The following ZNF385D variants were observed in gnomAD, a reference collection of about 807,000 sequenced individuals.
ZNF385D encodes zinc finger protein 659.
Under a neutral mutation model 35.8 loss-of-function variants are expected in ZNF385D, and 15 were observed. The ratio of observed to expected loss-of-function variants is 0.42; its 90% CI spans 0.28 to 0.64. ZNF385D has a LOEUF of 0.64. Ranked by LOEUF, ZNF385D falls within the 30% of genes least tolerant of loss-of-function variation. ZNF385D has a pLI of 0.23. For missense variants in ZNF385D, 474 were observed against 494.6 expected (o/e 0.96, Z 0.39); for synonymous variants, 212 against 186.8 (o/e 1.13, Z -1.10).
intron 4 of ZNF385D, among the ~76,000 whole-genome samples, chr3:21,443,703 A>T (rs940367019): frequency 6.6e-6 from 1 of 152,204 alleles, no homozygotes; most frequent in African/African-American, 2.4e-5. Context: ...TCAAGTGACA[A>T]GTTGTTCCCC....
At chr3:21,820,879 A>G (rs2073366954) in intron 3 of ZNF385D, among the ~76,000 whole-genome samples, 1 of 151,848 alleles carries the variant, frequency 6.6e-6, no homozygotes, top group South Asian at 2.1e-4. Flanking sequence ...CTAAGTGGGA[A>G]AAATACAGTA....
At chr3:22,338,680 G>C (rs1274075550) in intron 2 of ZNF385D, among the ~76,000 whole-genome samples, 1 of 149,632 alleles carries the variant, frequency 6.7e-6, no homozygotes, top group Admixed American at 6.7e-5. Flanking sequence ...TTAATGTGCA[G>C]CAAAACATAT....
At chr3:22,175,639 T>C (rs1694772366) in intron 2 of ZNF385D, among the ~76,000 whole-genome samples, 1 of 151,846 alleles carries the variant, frequency 6.6e-6, no homozygotes, top group Non-Finnish European at 1.5e-5. Context: ...ATTTGGCCTT[T>C]TTTCGATGAA....
intron 2 of ZNF385D, among the ~76,000 whole-genome samples, chr3:22,353,778 C>G (rs1409741301): frequency 6.6e-6 from 1 of 152,134 alleles, no homozygotes; most frequent in Non-Finnish European, 1.5e-5. Context: ...CAGCCACACT[C>G]TCATCTTTAC....
At chr3:21,878,554 A>T (rs1382152939) in intron 3 of ZNF385D, among the ~76,000 whole-genome samples, 1 of 145,444 alleles carries the variant, frequency 6.9e-6, no homozygotes, top group Non-Finnish European at 1.5e-5. Flanking sequence ...TTCAACTTTT[A>T]TTTTAACAGC....
chr3:22,220,617 G>A (rs924521947), intron 2 of ZNF385D, among the ~76,000 whole-genome samples: 1 of 152,072 alleles, frequency 6.6e-6, no homozygotes, highest in African/African-American at 2.4e-5. Context: ...TTAGAATTTT[G>A]CATAATAATT....
At chr3:21,915,688 A>T (rs1449041089) in intron 3 of ZNF385D, among the ~76,000 whole-genome samples, 1 of 152,150 alleles carries the variant, frequency 6.6e-6, no homozygotes, top group African/African-American at 2.4e-5. Flanking sequence ...GTACAAAACC[A>T]ATAAGTAGGT....
intron 3 of ZNF385D, chr3:21,511,768 T>G (rs1187841916): frequency 3.7e-5 from 17 of 456,272 alleles, no homozygotes; most frequent in East Asian, 7.0e-5. Flanking sequence ...CTGAGATATA[T>G]AGAGAGAGAG....
chr3:22,027,790 C>T (rs2101038), intron 3 of ZNF385D, among the ~76,000 whole-genome samples: 27,110 of 152,158 alleles, frequency 0.18, 3,020 homozygotes, highest in South Asian at 0.37. Context: ...GGTCTCCACT[C>T]CTGCCTTCTC....
chr3:21,708,452 T>C (rs2067985751), intron 1 of ZNF385D, among the ~76,000 whole-genome samples: 1 of 152,224 alleles, frequency 6.6e-6, no homozygotes, highest in Admixed American at 6.5e-5. Context: ...ATGCCACTGC[T>C]CTGAACTGTT....
chr3:21,823,424 G>C (rs1335682901), intron 3 of ZNF385D, among the ~76,000 whole-genome samples: 1 of 142,432 alleles, frequency 7.0e-6, no homozygotes, highest in Non-Finnish European at 1.5e-5. Context: ...GTGTATGCCT[G>C]TAAGCCCCCC....
At chr3:21,561,927 G>C (rs948140364) in intron 3 of ZNF385D, 1 of 152,326 alleles carries the variant, frequency 6.6e-6, no homozygotes, top group South Asian at 2.1e-4. Flanking sequence ...TATTTGTGTT[G>C]TTTCAGGCCA....
chr3:22,352,938 T>G (rs1376768004), intron 2 of ZNF385D, among the ~76,000 whole-genome samples: 2 of 152,188 alleles, frequency 1.3e-5, no homozygotes, highest in Non-Finnish European at 1.5e-5. Flanking sequence ...GCTCTCTTCC[T>G]TCCCTCCAAG....
intron 3 of ZNF385D, among the ~76,000 whole-genome samples, chr3:22,041,858 G>C (rs1266533804): frequency 1.3e-5 from 2 of 152,078 alleles, no homozygotes; most frequent in African/African-American, 4.8e-5. Context: ...TAGGGAAATG[G>C]ACAGTTCAAT....
At chr3:21,945,819 G>C (rs1701755726) in intron 3 of ZNF385D, among the ~76,000 whole-genome samples, 1 of 150,856 alleles carries the variant, frequency 6.6e-6, no homozygotes, top group African/African-American at 2.5e-5. Context: ...ATATGAAGCT[G>C]ATGAACTCAT....
intron 2 of ZNF385D, among the ~76,000 whole-genome samples, chr3:22,207,088 C>A (rs143642947): frequency 4.6e-5 from 7 of 151,944 alleles, no homozygotes; most frequent in African/African-American, 1.4e-4. Context: ...ACCAATACTT[C>A]TGAAATTCAA....
intron 3 of ZNF385D, among the ~76,000 whole-genome samples, chr3:22,124,088 C>A (rs773870605): frequency 6.6e-6 from 1 of 151,494 alleles, no homozygotes; most frequent in East Asian, 2.0e-4. Flanking sequence ...TCTCCCTCAC[C>A]CCTACAATTC....
intron 2 of ZNF385D, among the ~76,000 whole-genome samples, chr3:22,279,648 T>C (rs1000754147): frequency 1.1e-3 from 53 of 49,882 alleles, no homozygotes; most frequent in African/African-American, 1.8e-3. Context: ...TTTATATATA[T>C]ATATATGCAC....
At chr3:21,965,931 C>G (rs1812339) in intron 3 of ZNF385D, among the ~76,000 whole-genome samples, 58,518 of 151,974 alleles carry the variant, frequency 0.39, 12,358 homozygotes, top group Non-Finnish European at 0.47. Flanking sequence ...CAGGTAAAGT[C>G]TAGATAAGAG....
Sources: gnomAD v4.1 joint callset for allele counts (sites outside exome capture counted in the v4.1 genomes callset) on GRCh38, gnomAD v4.1.1 for gene constraint, MANE v1.5 for transcripts, NCBI Gene and HGNC (gene_info 2026-07-23, HGNC 2026-07-21) for gene names.